SGIP1: variants seen among roughly 807,000 people sequenced by gnomAD.
The protein encoded by SGIP1 is SH3GL interacting endocytic adaptor 1.
SGIP1 carries 38 observed loss-of-function variants against 107.5 expected under a neutral mutation model. That is an observed-to-expected ratio of 0.35 (90% CI 0.27 to 0.46). The LOEUF is 0.46. Among genes scored for constraint, SGIP1 ranks in the 20% least tolerant of loss-of-function variants. SGIP1 has a pLI of 1.00. For synonymous variants in SGIP1, 365 were observed against 366.1 expected (o/e 1.00, Z 0.03); for missense variants, 929 against 1,019.5 (o/e 0.91, Z 1.21).
chr1:66,694,839 A>G (rs1287528809), intron 17 of SGIP1: 2 of 266,526 alleles, frequency 7.5e-6, no homozygotes, highest in Non-Finnish European at 1.4e-5. Flanking sequence ...AAAAAATAAT[A>G]GAGCATCATT....
intron 1 of SGIP1, among the ~76,000 whole-genome samples, chr1:66,612,369 C>T (rs1032499876): frequency 3.3e-5 from 5 of 152,208 alleles, no homozygotes; most frequent in Non-Finnish European, 7.3e-5. Flanking sequence ...GGAAGACAAA[C>T]ATCCAAACTA....
Position 66,630,863 on chromosome 1 carries a change from GA to G in SGIP1, c.75-2204del, listed in dbSNP as rs1491089597. 6.3e-4 allele frequency among the ~76,000 whole-genome samples: 20 copies of G among 31,878 alleles called. 2 individuals are homozygous for G. Among genetic ancestry groups the G allele is most frequent in the African/African-American group, 2.3e-3 (14 of 6,032 alleles). 20.9% of individuals were successfully genotyped at this position (31,878 alleles called of 152,430 possible). A position where few individuals can be genotyped will look rare whatever the true frequency, so the allele number is the denominator to read the frequency against. On this transcript the variant is annotated intron_variant, in intron 2 of 24. Transcript: ENST00000371037. ...AGAAAGAAAGAAAGAAAGAAAGAAA[GA>G]AAGAAAGAAAGAAAGAAAGAAAGAA...
intron 17 of SGIP1, among the ~76,000 whole-genome samples, chr1:66,691,134 C>T (rs1028625828): frequency 3.9e-5 from 6 of 152,126 alleles, no homozygotes; most frequent in African/African-American, 1.4e-4. Flanking sequence ...ATGGGATCCC[C>T]GTTCCCCATT....
rs1227469070 is a variant in SGIP1 at position 66,719,453 on chromosome 1, G to A, written c.1742+48G>A. The A allele has an allele frequency of 4.0e-6, 6 of 1,488,496 alleles. 1 individual carries two copies. In the East Asian group the frequency reaches 1.1e-4, roughly 28 times the overall value. 92.2% of individuals were successfully genotyped at this position (1,488,496 alleles called of 1,614,324 possible). A position where few individuals can be genotyped will look rare whatever the true frequency, so the allele number is the denominator to read the frequency against. On this transcript the variant is annotated intron_variant, in intron 19 of 24. Transcript: ENST00000371037. ...TGTACTTTCTGAGTTCTGTCCTATT[G>A]AGTGTGGAACAGCCTAAATACAACC...
At chr1:66,583,477 G>T (rs1187399247) in intron 1 of SGIP1, among the ~76,000 whole-genome samples, 1 of 151,938 alleles carries the variant, frequency 6.6e-6, no homozygotes, top group African/African-American at 2.4e-5. Flanking sequence ...CTCAAAGGCT[G>T]GTTTCACCTT....
chr1:66,675,140 A>C (rs1043652724), intron 12 of SGIP1, among the ~76,000 whole-genome samples: 2 of 152,224 alleles, frequency 1.3e-5, no homozygotes, highest in African/African-American at 4.8e-5. Flanking sequence ...TTGCACCTAC[A>C]TCTGCCCGTT....
chr1:66,710,338 G>C (rs1271081883), intron 18 of SGIP1, among the ~76,000 whole-genome samples: 3 of 152,064 alleles, frequency 2.0e-5, no homozygotes, highest in East Asian at 3.8e-4. Flanking sequence ...GCCTGAAACT[G>C]TATGTTACAT....
chr1:66,552,945 T>G (rs544900739), intron 1 of SGIP1, among the ~76,000 whole-genome samples: 2 of 152,286 alleles, frequency 1.3e-5, no homozygotes, highest in South Asian at 4.1e-4. Context: ...TTCCCTAATT[T>G]TCAAGCTCCC....
At chr1:66,581,486 T>C (rs1167070002) in intron 1 of SGIP1, among the ~76,000 whole-genome samples, 1 of 152,018 alleles carries the variant, frequency 6.6e-6, no homozygotes, top group African/African-American at 2.4e-5. Context: ...TTTTATTACA[T>C]TTAATTGTAT....
chr1:66,601,609 TC>T (rs2065852088), intron 1 of SGIP1, among the ~76,000 whole-genome samples: 1 of 152,022 alleles, frequency 6.6e-6, no homozygotes, highest in Non-Finnish European at 1.5e-5. Flanking sequence ...AATGATCTAG[TC>T]CAGTGTTTTC....
chr1:66,683,746 A>C (rs1033196406), intron 15 of SGIP1, among the ~76,000 whole-genome samples: 3 of 92,648 alleles, frequency 3.2e-5, no homozygotes, highest in Non-Finnish European at 5.8e-5. Flanking sequence ...TCTTGCTCTG[A>C]TGCCCAGGCT....
At chr1:66,734,607 C>A (rs1287370713) in intron 21 of SGIP1, among the ~76,000 whole-genome samples, 1 of 151,276 alleles carries the variant, frequency 6.6e-6, no homozygotes, top group African/African-American at 2.4e-5. Context: ...TGTGTTCAAG[C>A]GATTCTCCTG....
At chr1:66,703,671 T>C (rs2092213116) in intron 18 of SGIP1, among the ~76,000 whole-genome samples, 1 of 151,266 alleles carries the variant, frequency 6.6e-6, no homozygotes, top group Non-Finnish European at 1.5e-5. Context: ...ATACTATATA[T>C]TGTATATCAG....
intron 1 of SGIP1, among the ~76,000 whole-genome samples, chr1:66,586,752 C>T (rs1381945445): frequency 6.6e-6 from 1 of 152,026 alleles, no homozygotes; most frequent in Admixed American, 6.6e-5. Flanking sequence ...TATATTTACC[C>T]ATATTTTTGT....
At chr1:66,550,908 A>G (rs2057305320) in intron 1 of SGIP1, among the ~76,000 whole-genome samples, 1 of 152,146 alleles carries the variant, frequency 6.6e-6, no homozygotes, top group South Asian at 2.1e-4. Flanking sequence ...GTGAAACACT[A>G]AGAAATGGTG....
At chr1:66,594,919 A>G (rs2064321776) in intron 1 of SGIP1, among the ~76,000 whole-genome samples, 1 of 152,064 alleles carries the variant, frequency 6.6e-6, no homozygotes, top group Non-Finnish European at 1.5e-5. Flanking sequence ...AGAAGAAAAT[A>G]TTTTTCGCTC....
chr1:66,616,139 C>G (rs1461628981), intron 1 of SGIP1: 1 of 152,188 alleles, frequency 6.6e-6, no homozygotes, highest in African/African-American at 2.4e-5. Context: ...TTAATCCCCA[C>G]TTATATTTTA....
chr1:66,586,026 T>A (rs368028221), intron 1 of SGIP1, among the ~76,000 whole-genome samples: 1 of 152,344 alleles, frequency 6.6e-6, no homozygotes, highest in African/African-American at 2.4e-5. Flanking sequence ...GTTGCACATA[T>A]TCTGCAGCTC....
At chr1:66,618,061 G>C (rs1165063992) in intron 1 of SGIP1, among the ~76,000 whole-genome samples, 2 of 152,178 alleles carry the variant, frequency 1.3e-5, no homozygotes, top group Non-Finnish European at 2.9e-5. Flanking sequence ...ATTAAATTGT[G>C]TTGAACTAAG....
Sources: gnomAD v4.1 joint callset for allele counts (sites outside exome capture counted in the v4.1 genomes callset) on GRCh38, gnomAD v4.1.1 for gene constraint, MANE v1.5 for transcripts, NCBI Gene and HGNC (gene_info 2026-07-23, HGNC 2026-07-21) for gene names.